The following PGBD2 variants were observed in gnomAD, a reference collection of about 807,000 sequenced individuals.
PGBD2 encodes piggyBac transposable element derived 2, also known as piggyBac transposable element-derived protein 2.
PGBD2 carries 6 observed loss-of-function variants against 8.1 expected under a neutral mutation model. The ratio of observed to expected loss-of-function variants is 0.74; its 90% CI spans 0.40 to 1.46. The LOEUF is 1.46. PGBD2 is among the 40% of genes most tolerant of loss of function. The pLI, the probability that PGBD2 is intolerant of heterozygous loss-of-function variation, is 0.02. For missense variants in PGBD2, 802 were observed against 739.0 expected, an observed-to-expected ratio of 1.09 and a Z score of -0.99; for synonymous variants, 318 against 272.2, an observed-to-expected ratio of 1.17 and a Z score of -1.66.
chr1:248,922,070 T>C (rs1053984188), downstream of PGBD2, among the ~76,000 whole-genome samples: 8 of 151,232 alleles, frequency 5.3e-5, no homozygotes, highest in African/African-American at 1.9e-4. Flanking sequence ...TTCTTTTTTT[T>C]TTTTTTTGAG....
the PGBD2 span, among the ~76,000 whole-genome samples, chr1:248,890,968 C>T: frequency 3.3e-5 from 5 of 151,830 alleles, no homozygotes; most frequent in Admixed American, 2.6e-4. Context: ...CTACACACCA[C>T]AGACATCACA....
chr1:248,899,380 A>T, the PGBD2 span, among the ~76,000 whole-genome samples: 4,675 of 152,268 alleles, frequency 0.031, 247 homozygotes, highest in African/African-American at 0.11. Flanking sequence ...AATGCAAAAA[A>T]CTGAAATCAT....
chr1:248,904,218 C>G (rs1233945964), upstream of PGBD2, among the ~76,000 whole-genome samples: 1 of 151,860 alleles, frequency 6.6e-6, no homozygotes, highest in African/African-American at 2.4e-5. Flanking sequence ...TAGCCTATTT[C>G]TCAATTAAAG....
At chr1:248,929,596 A>G in the PGBD2 span, among the ~76,000 whole-genome samples, 2 of 152,162 alleles carry the variant, frequency 1.3e-5, no homozygotes, top group African/African-American at 4.8e-5. Context: ...CGTATTTAGC[A>G]AGCTCCTAGC....
upstream of PGBD2, among the ~76,000 whole-genome samples, chr1:248,903,353 C>T (rs761203753): frequency 6.6e-6 from 1 of 151,448 alleles, no homozygotes; most frequent in Non-Finnish European, 1.5e-5. Context: ...TGTGTACCAT[C>T]ACACCTGGCT....
At chr1:248,906,790 C>T (rs1430509037) in intron 1 of PGBD2, among the ~76,000 whole-genome samples, 4 of 152,080 alleles carry the variant, frequency 2.6e-5, no homozygotes, top group African/African-American at 7.2e-5. Context: ...TTTTTAACTG[C>T]GTCTGCCTGG....
At chr1:248,907,816 A>G (rs965010432) in intron 1 of PGBD2, among the ~76,000 whole-genome samples, 5 of 152,194 alleles carry the variant, frequency 3.3e-5, no homozygotes, top group South Asian at 2.1e-4. Flanking sequence ...GGGCAAAGCA[A>G]TTGTTCAAGG....
At chr1:248,906,758 G>T (rs996674158) in intron 1 of PGBD2, among the ~76,000 whole-genome samples, 1 of 152,044 alleles carries the variant, frequency 6.6e-6, no homozygotes, top group Admixed American at 6.5e-5. Context: ...GCTCTGTGCC[G>T]GGGCGCGCTG....
chr1:248,925,300 G>A, the PGBD2 span, among the ~76,000 whole-genome samples: 9 of 152,212 alleles, frequency 5.9e-5, no homozygotes, highest in African/African-American at 2.2e-4. Context: ...GCTCAGCTGT[G>A]ACCCCGCACT....
chr1:248,875,308 C>CAAAAAA, the PGBD2 span, among the ~76,000 whole-genome samples: 859 of 109,706 alleles, frequency 7.8e-3, 3 homozygotes, highest in South Asian at 0.016. Context: ...AAAAACAAAA[C>CAAAAAA]AAAAAAAAAA....
At chr1:248,928,660 C>T in the PGBD2 span, among the ~76,000 whole-genome samples, 6 of 152,258 alleles carry the variant, frequency 3.9e-5, no homozygotes, top group East Asian at 1.2e-3. Context: ...GGACCTTGTG[C>T]ATGAATAATT....
chr1:248,921,609 G>GCTA (rs1662288786), downstream of PGBD2, among the ~76,000 whole-genome samples: 1 of 152,120 alleles, frequency 6.6e-6, no homozygotes, highest in Admixed American at 6.5e-5. Flanking sequence ...GATTGTCTTG[G>GCTA]CTATGTATGC....
chr1:248,927,637 A>G, the PGBD2 span, among the ~76,000 whole-genome samples: 6,821 of 152,250 alleles, frequency 0.045, 512 homozygotes, highest in African/African-American at 0.15. Flanking sequence ...ACAAACGCAG[A>G]CTGTGTCAGA....
chr1:248,881,472 T>C, the PGBD2 span, among the ~76,000 whole-genome samples: 2 of 152,248 alleles, frequency 1.3e-5, 1 homozygote, highest in South Asian at 4.1e-4. Flanking sequence ...TGGTATTGTT[T>C]ACCTTCCCAT....
Position 248,914,623 on chromosome 1 carries a change from C to G in PGBD2, c.17+744C>G, listed in dbSNP as rs557549697. On this transcript the variant is annotated intron_variant, in intron 2 of 2. Coordinates refer to ENST00000329291, the MANE Select transcript of PGBD2 (RefSeq NM_170725.3). ...CTTCTGTTGGGATGGAGGGTCCTCA[C>G]GTAGAGGTTGGGGCCTGCAAAGGGG... 4.7e-6 allele frequency: 6 copies of G among 1,285,134 alleles called. No individual in the cohort carries two copies. In the South Asian group the frequency reaches 7.4e-5, roughly 16 times the overall value. 79.6% of individuals were successfully genotyped at this position (1,285,134 alleles called of 1,614,324 possible).
Position 248,916,832 on chromosome 1 carries a change from A to G in PGBD2, c.248A>G (p.Asp83Gly), listed in dbSNP as rs376388111. ...CTGCATGCTTCAGTCCTGTGTGAGGACTCTGGCACCGGGGAGGATAATGAC... is the reference window on the plus strand; with the variant it reads ...CTGCATGCTTCAGTCCTGTGTGAGGGCTCTGGCACCGGGGAGGATAATGAC... ...SVLHASVLCE[D>G]SGTGEDNDDL... is the part of the protein sequence containing the mutation. The change falls in exon 3 of 3, where the codon GAC becomes GGC. Residue 83 changes from aspartate to glycine, a missense_variant. Coordinates refer to ENST00000329291, the MANE Select transcript of PGBD2 (RefSeq NM_170725.3). The G allele has an allele frequency of 3.1e-5, 50 of 1,613,906 alleles. No homozygotes were observed. Among genetic ancestry groups the G allele is most frequent in the Non-Finnish European group, 4.1e-5 (48 of 1,179,994 alleles).
upstream of PGBD2, among the ~76,000 whole-genome samples, chr1:248,904,388 G>A (rs1210041604): frequency 6.6e-6 from 1 of 151,882 alleles, no homozygotes; most frequent in East Asian, 1.9e-4. Flanking sequence ...TTTATTCAAA[G>A]CAATGCACTG....
At chr1:248,891,685 C>T in the PGBD2 span, among the ~76,000 whole-genome samples, 1 of 152,074 alleles carries the variant, frequency 6.6e-6, no homozygotes, top group African/African-American at 2.4e-5. Context: ...TAAAAATCAG[C>T]CAGGCACAGA....
the PGBD2 span, among the ~76,000 whole-genome samples, chr1:248,885,648 A>G: frequency 1.3e-5 from 2 of 152,168 alleles, no homozygotes; most frequent in Non-Finnish European, 2.9e-5. Flanking sequence ...CAGGAGAAAC[A>G]GTGCTTGATG....
Sources: allele counts gnomAD v4.1 joint callset (sites outside exome capture counted in the v4.1 genomes callset), GRCh38; gene constraint gnomAD v4.1.1; transcripts MANE v1.5; gene names NCBI Gene and HGNC (gene_info 2026-07-23, HGNC 2026-07-21).